The following ATG101 variants were observed in gnomAD, a reference collection of about 807,000 sequenced individuals.
The protein encoded by ATG101 is autophagy related 101, also known as autophagy-related protein 101.
In ATG101, 6 loss-of-function variants were observed where a neutral mutation model predicts 16.7. That is an observed-to-expected ratio of 0.36 (90% CI 0.20 to 0.71). The LOEUF (loss-of-function observed/expected upper bound fraction) is 0.71, where lower values mean the gene tolerates loss of function less well. Among genes scored for constraint, ATG101 ranks in the 30% least tolerant of loss-of-function variants. The pLI is 0.57. For missense variants in ATG101, 200 were observed against 292.5 expected, an observed-to-expected ratio of 0.68 and a Z score of 2.31; for synonymous variants, 108 against 118.1, an observed-to-expected ratio of 0.91 and a Z score of 0.56.
At chr12:52,066,651 C>T (rs1282217351), upstream of ATG101, among the ~76,000 whole-genome samples, 2 of 152,084 alleles carry the variant, frequency 1.3e-5, no homozygotes, top group South Asian at 2.1e-4. Context: ...GGGAGGTGGA[C>T]TGTATCTACC....
chr12:52,072,147 T>C (rs1833483482), intron 2 of ATG101, among the ~76,000 whole-genome samples: 1 of 152,240 alleles, frequency 6.6e-6, no homozygotes, highest in Non-Finnish European at 1.5e-5. Flanking sequence ...TTATACATGC[T>C]AGCTCATTCA....
chr12:52,073,810 G>A lies in ATG101; in HGVS notation c.160G>A (p.Asp54Asn), dbSNP rs1939688259. 1 of 1,614,128 alleles carries A rather than the reference G, an allele frequency of 6.2e-7. No homozygotes were observed. The highest frequency in any genetic ancestry group is 1.7e-5 in the Admixed American group (1 of 60,010). The change falls in exon 3 of 4, where the codon GAT becomes AAT. Residue 54 changes from aspartate (D) to asparagine (N), a missense_variant. Coordinates refer to ENST00000336854, the MANE Select transcript of ATG101 (RefSeq NM_021934.5). The stretch of plus-strand genomic sequence containing the variant: ...CTCCATTGGCACCGTGGGCACCCAG[G>A]ATGTTGACTGTGACTTCATCGACTT... The part of the protein sequence containing the change: ...TYSIGTVGTQ[D>N]VDCDFIDFTY...
chr12:52,068,110 A>G (rs955244424), upstream of ATG101, among the ~76,000 whole-genome samples: 1 of 149,056 alleles, frequency 6.7e-6, no homozygotes, highest in South Asian at 2.1e-4. Flanking sequence ...GCCGTGGTGC[A>G]GTCTCAGCTC....
Position 52,076,791 on chromosome 12 carries a change from A to G in ATG101, c.258A>G (p.Ala86=), listed in dbSNP as rs1389884565. ...ATTCGTTCCCTTCTTCCCAGGATGC[A>G]CTGCGCAACTCTGGTGGCGATGGGC... is the stretch of plus-strand genomic sequence containing the variant. ...LRKVVGEFKD[A]LRNSGGDGLG... Residue 86 remains alanine, a synonymous_variant, in exon 4 of 4, where the codon GCA becomes GCG. Coordinates refer to ENST00000336854, the MANE Select transcript of ATG101 (RefSeq NM_021934.5). The G allele has an allele frequency of 1.2e-6, 2 of 1,613,298 alleles. No homozygotes were observed. The highest frequency in any genetic ancestry group is 2.2e-5 in the East Asian group (1 of 44,886).
In ATG101 at chr12:52,073,572, C is replaced by T. The variant is rs1053711319; in HGVS notation, c.-76-3C>T. On this transcript the variant is annotated splice_region_variant and splice_polypyrimidine_tract_variant and intron_variant, in intron 2 of 3. Transcript: ENST00000336854. ...AGCATTCTGACCTGGGCTCCTTTTGCAGGGTGGCCCTTGGGTAGGGTGAAG... is the reference window on the plus strand; with the variant it reads ...AGCATTCTGACCTGGGCTCCTTTTGTAGGGTGGCCCTTGGGTAGGGTGAAG... 3.3e-5 allele frequency: 50 copies of T among 1,534,696 alleles called. 1 individual carries two copies. In the Middle Eastern group the frequency reaches 7.1e-4, roughly 22 times the overall value.
chr12:52,076,774 C>G lies in ATG101; in HGVS notation c.253-12C>G. ...GAGGCCTTGGCTTGCTCATTCGTTC[C>G]CTTCTTCCCAGGATGCACTGCGCAA... On this transcript the variant is annotated splice_polypyrimidine_tract_variant and intron_variant, in intron 3 of 3. Transcript: ENST00000336854. The G allele has an allele frequency of 6.2e-7, 1 of 1,609,450 alleles. No homozygotes were observed. Among genetic ancestry groups the G allele is most frequent in the Non-Finnish European group, 8.5e-7 (1 of 1,176,330 alleles).
Position 52,073,805 on chromosome 12 carries a change from C to T in ATG101, c.155C>T (p.Thr52Ile), listed in dbSNP as rs1043611565. 6 of 1,614,106 alleles carry T rather than the reference C, an allele frequency of 3.7e-6. No homozygotes were observed. Among genetic ancestry groups the T allele is most frequent in the African/African-American group, 1.3e-5 (1 of 74,940 alleles). ...EGTYSIGTVG[T>I]QDVDCDFIDF... ...ACCTACTCCATTGGCACCGTGGGCA[C>T]CCAGGATGTTGACTGTGACTTCATC... The change falls in exon 3 of 4, where the codon ACC becomes ATC. Residue 52 changes from threonine (T) to isoleucine (I), a missense_variant. Physicochemically the swap from Thr to Ile is moderately conservative, Grantham distance 89 (BLOSUM62 -1). Coordinates refer to ENST00000336854, the MANE Select transcript of ATG101 (RefSeq NM_021934.5).
intron 3 of ATG101, 150 bp from the exon 4 acceptor site, chr12:52,076,636 A>G (rs2120631606): frequency 1.0e-6 from 1 of 969,430 alleles, no homozygotes; most frequent in Middle Eastern, 3.2e-4. Flanking sequence ...ACTAAGCCCA[A>G]ATCGTTTACC....
upstream of ATG101, among the ~76,000 whole-genome samples, chr12:52,068,210 CTT>C (rs527347370): frequency 9.7e-5 from 13 of 134,616 alleles, no homozygotes; most frequent in Non-Finnish European, 9.7e-5. Flanking sequence ...CCACACCTGG[CTT>C]TTTTTTTTTT....
chr12:52,076,753 C>A, intron 3 of ATG101, 33 bp from the exon 4 acceptor site: 1 of 1,600,456 alleles, frequency 6.2e-7, no homozygotes, highest in Non-Finnish European at 8.5e-7. Flanking sequence ...AACTCAGAGG[C>A]CTTGGCTTGC....
At chr12:52,067,375 C>T (rs1939560125), upstream of ATG101, among the ~76,000 whole-genome samples, 1 of 152,186 alleles carries the variant, frequency 6.6e-6, no homozygotes, top group African/African-American at 2.4e-5. Context: ...AAGGCATTTC[C>T]CTTACCAGAG....
chr12:52,074,266 A>G (rs1939699647), intron 3 of ATG101, among the ~76,000 whole-genome samples: 1 of 151,680 alleles, frequency 6.6e-6, no homozygotes, highest in African/African-American at 2.4e-5. Flanking sequence ...CCCACATGAA[A>G]CTCCCCCAGA....
chr12:52,070,702 G>C (rs1007409156), intron 2 of ATG101: 1 of 152,312 alleles, frequency 6.6e-6, no homozygotes, highest in Admixed American at 6.5e-5. Flanking sequence ...CTGACTTCTT[G>C]GAGGAGTGGA....
Position 52,076,800 on chromosome 12 carries a change from C to T in ATG101, c.267C>T (p.Asn89=). The T allele has an allele frequency of 6.2e-7, 1 of 1,614,116 alleles. No homozygotes were observed. Among genetic ancestry groups the T allele is most frequent in the Non-Finnish European group, 8.5e-7 (1 of 1,179,978 alleles). Residue 89 remains asparagine, a synonymous_variant, in exon 4 of 4, where the codon AAC becomes AAT. Coordinates refer to ENST00000336854, the MANE Select transcript of ATG101 (RefSeq NM_021934.5). ...VVGEFKDALR[N]SGGDGLGQMS... The stretch of plus-strand genomic sequence containing the variant: ...CTTCTTCCCAGGATGCACTGCGCAA[C>T]TCTGGTGGCGATGGGCTGGGGCAGA...
At chr12:52,075,385 G>A (rs1939715997) in intron 3 of ATG101, among the ~76,000 whole-genome samples, 1 of 152,196 alleles carries the variant, frequency 6.6e-6, no homozygotes, top group Non-Finnish European at 1.5e-5. Context: ...TGGGCTAGCG[G>A]CTCCACTCAA....
At chr12:52,073,951 A>G (rs1191554963) in intron 3 of ATG101, 49 bp downstream of exon 3, 1 of 1,598,260 alleles carries the variant, frequency 6.3e-7, no homozygotes, top group East Asian at 2.2e-5. Context: ...AGCAGATGGC[A>G]GGGGGGCCTC....
upstream of ATG101, among the ~76,000 whole-genome samples, chr12:52,069,017 A>AAAAAAAAAAAAAAAAC (rs1939591320): frequency 6.7e-6 from 1 of 148,162 alleles, no homozygotes; most frequent in Non-Finnish European, 1.5e-5. Context: ...AAAAAAAAAA[A>AAAAAAAAAAAAAAAAC]AAAAATACTG....
intron 3 of ATG101, among the ~76,000 whole-genome samples, chr12:52,074,787 C>T (rs12830246): frequency 0.2 from 31,160 of 152,016 alleles, 4,064 homozygotes; most frequent in East Asian, 0.46. Flanking sequence ...GGCGAAACTC[C>T]GTCTCTACAG....
intron 2 of ATG101, among the ~76,000 whole-genome samples, chr12:52,073,318 A>G (rs1302964970): frequency 6.6e-6 from 1 of 152,222 alleles, no homozygotes; most frequent in African/African-American, 2.4e-5. Context: ...CTAGTACCTG[A>G]CAAATGTTGC....
Sources: gnomAD v4.1 joint callset for allele counts (sites outside exome capture counted in the v4.1 genomes callset) on GRCh38, gnomAD v4.1.1 for gene constraint, MANE v1.5 for transcripts, NCBI Gene and HGNC (gene_info 2026-07-23, HGNC 2026-07-21) for gene names.